Variants in IGSF9B observed in about 807,000 individuals in gnomAD.
IGSF9B encodes immunoglobulin superfamily member 9B, also known as protein turtle homolog B.
A neutral mutation model predicts 143.7 loss-of-function variants in IGSF9B; 48 were observed. That is an observed-to-expected ratio of 0.33 (90% CI 0.26 to 0.42). IGSF9B has a LOEUF of 0.42. IGSF9B is among the 20% of genes least tolerant of loss of function. The pLI is 1.00. For missense variants in IGSF9B, 1,706 were observed against 1,980.0 expected, an observed-to-expected ratio of 0.86 and a Z score of 2.63; for synonymous variants, 903 against 833.1, an observed-to-expected ratio of 1.08 and a Z score of -1.44.
At position 133,920,200 on chromosome 11, in the gene IGSF9B, G is replaced by A. The variant is rs576616645; in HGVS notation, c.3525C>T (p.Pro1175=). 5.9e-6 allele frequency: 9 copies of A among 1,515,006 alleles called. No individual in the cohort carries two copies. The Admixed American group carries it at 1.6e-4, about 27-fold the overall frequency. 93.8% of individuals were successfully genotyped at this position (1,515,006 alleles called of 1,614,324 possible). Reference sequence around the variant, plus strand: ...CCTGCCGAGGGCTAGGCCGGGGCCGGGGCTGGGGCTCATACCACCGGGTGT... The same window carrying A: ...CCTGCCGAGGGCTAGGCCGGGGCCGAGGCTGGGGCTCATACCACCGGGTGT... ...GLDTRWYEPQ[P]RPRPSPRQAR... is the part of the protein sequence containing the mutation. Residue 1175 remains proline, a synonymous_variant, in exon 18 of 20, where the codon CCC becomes CCT. Coordinates refer to ENST00000533871, the MANE Select transcript of IGSF9B (RefSeq NM_001277285.4).
chr11:133,896,598 CCTT>C lies in IGSF9B; in HGVS notation c.*12468_*12470del, dbSNP rs1365203712. 2 of 152,150 alleles carry C rather than the reference CCTT, an allele frequency of 1.3e-5. No individual in the cohort carries two copies. The highest frequency in any genetic ancestry group is 3.9e-4 in the East Asian group (2 of 5,192). The allele number at this position is 152,150 out of a possible 1,614,324, so 9.4% of individuals were successfully genotyped here. A position where few individuals can be genotyped will look rare whatever the true frequency, so the allele number is the denominator to read the frequency against. ...TGCACATCTCATCATTTGATGTGTG[CCTT>C]CTTTTTTCTCATTTGCTTATGCACG... On this transcript the variant is annotated 3_prime_UTR_variant, in exon 20 of 20. Coordinates refer to ENST00000533871, the MANE Select transcript of IGSF9B (RefSeq NM_001277285.4).
In IGSF9B at chr11:133,928,350, A is replaced by G. The variant is rs1939666760; in HGVS notation, c.1632-1259T>C. Among the ~76,000 whole-genome samples the G allele has an allele frequency of 6.6e-6, 1 of 152,160 alleles. No individual in the cohort carries two copies. Among genetic ancestry groups the G allele is most frequent in the African/African-American group, 2.4e-5 (1 of 41,446 alleles). ...TGAGCTGCGGCAACTCCCATCATCC[A>G]GGTGCAGTTCTCCAATCAGAATCAA... On this transcript the variant is annotated intron_variant, in intron 12 of 19. Transcript: ENST00000533871. The surrounding 1 kb of genome is among the most constrained non-coding windows in gnomAD (Gnocchi z 4.7).
intron 19 of IGSF9B, among the ~76,000 whole-genome samples, chr11:133,911,104 A>G (rs1034255021): frequency 6.6e-6 from 1 of 152,240 alleles, no homozygotes; most frequent in Admixed American, 6.5e-5. Context: ...ACAGTTATCA[A>G]AGCTCTGCAA....
rs935841413 is a variant in IGSF9B, at chr11:133,953,895, C to G, written c.64+2796G>C. ...TCTTCTCCACACTTCCCCAACCTGT[C>G]CACTGACCTTAATCACCTCCCAGGC... is the stretch of plus-strand genomic sequence containing the variant. On this transcript the variant is annotated intron_variant, in intron 1 of 19. Coordinates refer to ENST00000533871, the MANE Select transcript of IGSF9B (RefSeq NM_001277285.4). The surrounding 1 kb of genome is among the most constrained non-coding windows in gnomAD (Gnocchi z 4.2). Among the ~76,000 whole-genome samples, 3 of 152,188 alleles carry G rather than the reference C, an allele frequency of 2.0e-5. No homozygotes were observed. Among genetic ancestry groups the G allele is most frequent in the African/African-American group, 7.2e-5 (3 of 41,452 alleles).
Position 133,946,128 on chromosome 11 carries a change from G to T in IGSF9B, c.195C>A (p.Phe65Leu). The T allele has an allele frequency of 6.2e-7, 1 of 1,611,338 alleles. No individual in the cohort carries two copies. The highest frequency in any genetic ancestry group is 8.5e-7 in the Non-Finnish European group (1 of 1,178,826). The change falls in exon 2 of 20, where the codon TTC becomes TTA. Residue 65 changes from phenylalanine (F) to leucine (L), a missense_variant. By Grantham distance (22) the Phe-to-Leu change is conservative. Coordinates refer to ENST00000533871, the MANE Select transcript of IGSF9B (RefSeq NM_001277285.4). ...TGATGAAGATAGGGATGGGGACCCCGAACTTGAACCACTCTACGACATAGG... is the reference window on the plus strand; with the variant it reads ...TGATGAAGATAGGGATGGGGACCCCTAACTTGAACCACTCTACGACATAGG... ...PPPYVVEWFK[F>L]GVPIPIFIKF... is the part of the protein sequence containing the mutation.
At chr11:133,910,886 C>T (rs1939292701) in intron 19 of IGSF9B, among the ~76,000 whole-genome samples, 2 of 152,176 alleles carry the variant, frequency 1.3e-5, no homozygotes, top group African/African-American at 2.4e-5. Flanking sequence ...GAAAATGCAG[C>T]TTTGAGCTCC....
intron 1 of IGSF9B, among the ~76,000 whole-genome samples, chr11:133,950,250 T>C (rs1481003496): frequency 3.9e-5 from 6 of 152,160 alleles, no homozygotes. Context: ...GCAGGACTGC[T>C]CTGAATACGG....
At chr11:133,946,004 A>G in intron 2 of IGSF9B, 57 bp downstream of exon 2, 1 of 1,250,068 alleles carries the variant, frequency 8.0e-7, no homozygotes, top group South Asian at 1.5e-5. Context: ...GAGGGGAACC[A>G]CCGAGGAGCT....
At chr11:133,937,620 C>A (rs1016074177) in intron 4 of IGSF9B, 127 bp from the exon 5 acceptor site, 32 of 984,424 alleles carry the variant, frequency 3.3e-5, no homozygotes, top group Non-Finnish European at 4.5e-5. Flanking sequence ...ATCTGGGGGA[C>A]ACGAAGGGCA....
chr11:133,924,119 C>T (rs1374822463), intron 15 of IGSF9B, among the ~76,000 whole-genome samples: 2 of 152,238 alleles, frequency 1.3e-5, no homozygotes, highest in African/African-American at 2.4e-5. Context: ...AGGTCACTGT[C>T]ACCTGGTCCC....
chr11:133,939,040 C>A (rs986135347), intron 3 of IGSF9B, among the ~76,000 whole-genome samples: 1 of 152,236 alleles, frequency 6.6e-6, no homozygotes, highest in Non-Finnish European at 1.5e-5. Flanking sequence ...CCCCACACAG[C>A]CCTGCCCTGA....
chr11:133,925,407 C>T (rs73596858), intron 14 of IGSF9B, among the ~76,000 whole-genome samples: 11,028 of 152,246 alleles, frequency 0.072, 1,214 homozygotes, highest in African/African-American at 0.24. Context: ...TCTCTGCCCA[C>T]CCCAGGTTAG....
chr11:133,915,957 A>G (rs1939372996), intron 18 of IGSF9B, among the ~76,000 whole-genome samples: 2 of 152,238 alleles, frequency 1.3e-5, no homozygotes, highest in African/African-American at 4.8e-5. Context: ...GCTGACCACA[A>G]GATGGAACCC....
At chr11:133,935,525 C>T in intron 7 of IGSF9B, 92 bp downstream of exon 7, 1 of 1,376,256 alleles carries the variant, frequency 7.3e-7, no homozygotes, top group South Asian at 1.4e-5. Context: ...CCAAATGATG[C>T]TTGGTCTTTG....
rs757169674 is a variant in IGSF9B at position 133,902,158 on chromosome 11, CCA to C, written c.*6909_*6910del. ...TACCACACCAAACACACCAGACACACCACACACACCAAACACACACACACCAA... is the reference window on the plus strand; with the variant it reads ...TACCACACCAAACACACCAGACACACCACACACCAAACACACACACACCAA... On this transcript the variant is annotated 3_prime_UTR_variant, in exon 20 of 20. Coordinates refer to ENST00000533871, the MANE Select transcript of IGSF9B (RefSeq NM_001277285.4). Among the ~76,000 whole-genome samples, 8 of 149,138 alleles carry C rather than the reference CCA, an allele frequency of 5.4e-5. No homozygotes were observed. Among genetic ancestry groups the C allele is most frequent in the Non-Finnish European group, 1.0e-4 (7 of 67,194 alleles).
At chr11:133,956,393 C>T (rs961428370) in intron 1 of IGSF9B, among the ~76,000 whole-genome samples, 4 of 152,052 alleles carry the variant, frequency 2.6e-5, no homozygotes, top group Non-Finnish European at 5.9e-5. Flanking sequence ...CGGTGTGCAC[C>T]GTGGGGCCCG....
rs371578487 is a variant in IGSF9B, at chr11:133,919,967, G to A, written c.3758C>T (p.Pro1253Leu). The A allele has an allele frequency of 2.6e-6, 4 of 1,566,820 alleles. No homozygotes were observed. The highest frequency in any genetic ancestry group is 2.3e-5 in the South Asian group (2 of 85,210). Reference sequence around the variant, plus strand: ...GCTCTGGGAGGGGGAGCCTGTGGACGGCGTAGACTTTCGAGAAAAGCTGAC... The same window carrying A: ...GCTCTGGGAGGGGGAGCCTGTGGACAGCGTAGACTTTCGAGAAAAGCTGAC... ...AAVSFSRKST[P>L]STGSPSQSSR... The change falls in exon 18 of 20, where the codon CCG becomes CTG. Residue 1253 changes from proline (P) to leucine (L), a missense_variant. Around this residue, in one of 7 missense-constraint regions of IGSF9B, gnomAD observed 880 missense variants for 762.9 expected, o/e 1.15. Transcript: ENST00000533871.
Position 133,951,505 on chromosome 11 carries a change from C to T in IGSF9B, c.64+5186G>A, listed in dbSNP as rs768021167. ...GGGCCGCTCCGGCCCTGAGCCTTCTCGGCTGGGCTCCCCCAGCAGCTGTGA... is the reference window on the plus strand; with the variant it reads ...GGGCCGCTCCGGCCCTGAGCCTTCTTGGCTGGGCTCCCCCAGCAGCTGTGA... On this transcript the variant is annotated intron_variant, in intron 1 of 19. Coordinates refer to ENST00000533871, the MANE Select transcript of IGSF9B (RefSeq NM_001277285.4). Among the ~76,000 whole-genome samples, 8 of 152,376 alleles carry T rather than the reference C, an allele frequency of 5.3e-5. No individual in the cohort carries two copies. In the East Asian group the frequency reaches 5.8e-4, roughly 11 times the overall value.
chr11:133,927,689 G>A (rs1173525192), intron 12 of IGSF9B, among the ~76,000 whole-genome samples: 2 of 152,202 alleles, frequency 1.3e-5, no homozygotes, highest in East Asian at 3.8e-4. Context: ...TGCATGGAGA[G>A]TAGGAAGACG....
Sources: gnomAD v4.1 joint callset for allele counts (sites outside exome capture counted in the v4.1 genomes callset) on GRCh38, gnomAD v4.1.1 for gene constraint, gnomAD v4.1.1 regional missense constraint, Gnocchi (gnomAD v3.1) non-coding constraint, MANE v1.5 for transcripts, NCBI Gene and HGNC (gene_info 2026-07-23, HGNC 2026-07-21) for gene names.